Variants in PCDH7 observed in about 807,000 individuals in gnomAD.
The protein encoded by PCDH7 is protocadherin 7, also known as protocadherin-7.
A neutral mutation model predicts 58.9 loss-of-function variants in PCDH7; 17 were observed. The ratio of observed to expected loss-of-function variants is 0.29; its 90% CI spans 0.20 to 0.43. The LOEUF is 0.43. PCDH7 is among the 20% of genes least tolerant of loss of function. PCDH7 has a pLI of 1.00. For missense variants in PCDH7, 1,274 were observed against 1,441.0 expected (o/e 0.88, Z 1.88); for synonymous variants, 664 against 616.4 (o/e 1.08, Z -1.14).
intron 3 of PCDH7, among the ~76,000 whole-genome samples, chr4:30,977,636 A>G (rs1201605229): frequency 6.6e-6 from 1 of 152,150 alleles, no homozygotes; most frequent in East Asian, 1.9e-4. Flanking sequence ...TTCATGCACT[A>G]GAGTGTTCTC....
intron 3 of PCDH7, among the ~76,000 whole-genome samples, chr4:31,092,194 A>G (rs994205567): frequency 1.3e-5 from 2 of 152,054 alleles, no homozygotes; most frequent in South Asian, 2.1e-4. Flanking sequence ...ACGTATTTCT[A>G]TCTCTAAGAA....
rs570341411 is a variant in PCDH7, at chr4:31,129,229, C to T, written c.*8-13244C>T. ...ATAGGTAGCAGACTTCAGTGCCAGA[C>T]ATTAAGTGCTAAGAAGAGGTAGGCA... On this transcript the variant is annotated intron_variant, in intron 3 of 3. Transcript: ENST00000509759. 7.2e-5 allele frequency among the ~76,000 whole-genome samples: 11 copies of T among 152,210 alleles called. No homozygotes were observed. In the East Asian group the frequency reaches 1.7e-3, roughly 24 times the overall value.
At chr4:30,903,506 G>A (rs184921927) in intron 1 of PCDH7, among the ~76,000 whole-genome samples, 1 of 151,956 alleles carries the variant, frequency 6.6e-6, no homozygotes, top group African/African-American at 2.4e-5. Flanking sequence ...TCATCCTGTG[G>A]ACACAATTCT....
intron 3 of PCDH7, among the ~76,000 whole-genome samples, chr4:31,047,747 AT>A (rs1756401631): frequency 6.6e-6 from 1 of 152,072 alleles, no homozygotes; most frequent in Non-Finnish European, 1.5e-5. Flanking sequence ...AATTGTGAAG[AT>A]AAGTATAGCT....
intron 3 of PCDH7, among the ~76,000 whole-genome samples, chr4:30,964,645 A>G (rs2109464673): frequency 6.8e-6 from 1 of 147,488 alleles, no homozygotes. Context: ...CCCTGAGGGC[A>G]GAAATAGTAG....
chr4:31,030,521 A>T (rs867306028), intron 3 of PCDH7, among the ~76,000 whole-genome samples: 2 of 152,206 alleles, frequency 1.3e-5, no homozygotes, highest in Admixed American at 6.5e-5. Flanking sequence ...TTACACTTTT[A>T]TTTACATATA....
At chr4:30,975,511 CA>C (rs1254702207) in intron 3 of PCDH7, among the ~76,000 whole-genome samples, 1 of 152,098 alleles carries the variant, frequency 6.6e-6, no homozygotes, top group Non-Finnish European at 1.5e-5. Flanking sequence ...CAATTTTCAG[CA>C]GACACATTCC....
intron 3 of PCDH7, among the ~76,000 whole-genome samples, chr4:30,976,862 G>T (rs762885043): frequency 6.6e-6 from 1 of 152,040 alleles, no homozygotes; most frequent in Non-Finnish European, 1.5e-5. Context: ...GATTTTTCAG[G>T]TTAATAAGTA....
intron 1 of PCDH7, among the ~76,000 whole-genome samples, chr4:30,812,743 G>T (rs1027668180): frequency 2.6e-5 from 4 of 152,004 alleles, no homozygotes; most frequent in African/African-American, 9.7e-5. Context: ...ATAATGATGG[G>T]AAAACATTAT....
chr4:30,725,220 T>C (rs1714444057), intron 1 of PCDH7: 1 of 992,810 alleles, frequency 1.0e-6, no homozygotes, highest in South Asian at 4.7e-5. Flanking sequence ...TTTATATCTA[T>C]AATAATCGAT....
At chr4:31,078,182 G>A (rs930166100) in intron 3 of PCDH7, among the ~76,000 whole-genome samples, 5 of 152,130 alleles carry the variant, frequency 3.3e-5, no homozygotes, top group Non-Finnish European at 7.3e-5. Context: ...GGTTGCATTG[G>A]GAGGGACGCA....
rs1578129186 is a variant in PCDH7, at chr4:30,874,640, T to C, written c.71-45513T>C. Reference sequence around the variant, plus strand: ...CACCAGCATGGCACATGTATACATATGTAACTAACCTGCACATTGTGCACA... The same window carrying C: ...CACCAGCATGGCACATGTATACATACGTAACTAACCTGCACATTGTGCACA... On this transcript the variant is annotated intron_variant, in intron 1 of 3. Transcript: ENST00000509759. Among the ~76,000 whole-genome samples, 3 of 151,404 alleles carry C rather than the reference T, an allele frequency of 2.0e-5. No individual in the cohort carries two copies. In the South Asian group the frequency reaches 6.2e-4, roughly 32 times the overall value.
At chr4:31,107,605 T>C (rs1400734170) in intron 3 of PCDH7, among the ~76,000 whole-genome samples, 3 of 152,180 alleles carry the variant, frequency 2.0e-5, no homozygotes, top group Admixed American at 2.0e-4. Context: ...ACTGAGTTAG[T>C]CATCTGGGAT....
At chr4:30,998,702 A>G (rs1312986021) in intron 3 of PCDH7, among the ~76,000 whole-genome samples, 1 of 152,182 alleles carries the variant, frequency 6.6e-6, no homozygotes, top group African/African-American at 2.4e-5. Flanking sequence ...ATGTATTTTC[A>G]GAGCAGAACC....
intron 3 of PCDH7, among the ~76,000 whole-genome samples, chr4:31,043,305 TG>T (rs1756030731): frequency 1.3e-5 from 2 of 152,170 alleles, no homozygotes; most frequent in South Asian, 4.1e-4. Flanking sequence ...TACCCAGAAA[TG>T]GGATTGCTGG....
chr4:30,872,175 C>T (rs370917004), intron 1 of PCDH7, among the ~76,000 whole-genome samples: 3 of 152,080 alleles, frequency 2.0e-5, no homozygotes, highest in Non-Finnish European at 4.4e-5. Flanking sequence ...TTACCAATTA[C>T]TGCTTATTAA....
In PCDH7 at chr4:31,092,407, C is replaced by T. The variant is rs531243084; in HGVS notation, c.*8-50066C>T. On this transcript the variant is annotated intron_variant, in intron 3 of 3. Coordinates refer to the PCDH7 transcript ENST00000509759. ...CAGCAGCGATAACATTTTTATTCTC[C>T]AGAGAGAATGGGTTACATTTCTCTG... 1.1e-4 allele frequency among the ~76,000 whole-genome samples: 16 copies of T among 152,034 alleles called. No homozygotes were observed. In the South Asian group the frequency reaches 3.1e-3, roughly 30 times the overall value.
At chr4:30,735,355 G>A (rs61796163), downstream of PCDH7, among the ~76,000 whole-genome samples, 1 of 152,136 alleles carries the variant, frequency 6.6e-6, no homozygotes, top group African/African-American at 2.4e-5. Flanking sequence ...GTTTAAAGGT[G>A]AGGCGGGGCA....
chr4:30,993,521 G>A (rs1191910703), intron 3 of PCDH7, among the ~76,000 whole-genome samples: 2 of 152,072 alleles, frequency 1.3e-5, no homozygotes, highest in Non-Finnish European at 2.9e-5. Context: ...GTTAATTGTA[G>A]GGAAAACCCA....
Sources: allele counts gnomAD v4.1 joint callset (sites outside exome capture counted in the v4.1 genomes callset), GRCh38; gene constraint gnomAD v4.1.1; transcripts MANE v1.5; gene names NCBI Gene and HGNC (gene_info 2026-07-23, HGNC 2026-07-21).